Variants in ZBTB7C observed in about 807,000 individuals in gnomAD.
ZBTB7C encodes zinc finger and BTB domain-containing protein 7C.
In ZBTB7C, 8 loss-of-function variants were observed where a neutral mutation model predicts 25.7. That is an observed-to-expected ratio of 0.31 (90% confidence interval 0.18 to 0.56). ZBTB7C has a LOEUF of 0.56. Ranked by LOEUF, ZBTB7C falls within the 20% of genes least tolerant of loss-of-function variation. The pLI is 0.91. For synonymous variants in ZBTB7C, 394 were observed against 369.0 expected, an observed-to-expected ratio of 1.07 and a Z score of -0.78; for missense variants, 824 against 855.2, an observed-to-expected ratio of 0.96 and a Z score of 0.46.
chr18:48,248,524 T>C (rs1283132372), intron 2 of ZBTB7C, among the ~76,000 whole-genome samples: 1 of 152,154 alleles, frequency 6.6e-6, no homozygotes, highest in Non-Finnish European at 1.5e-5. Context: ...ACTAAATCTT[T>C]CCCTGGTCAT....
intron 3 of ZBTB7C, among the ~76,000 whole-genome samples, chr18:48,075,305 C>T (rs2037719487): frequency 6.6e-6 from 1 of 152,222 alleles, no homozygotes; most frequent in African/African-American, 2.4e-5. Context: ...AGAGAAAGGA[C>T]ACAAGCTCTC....
At chr18:48,403,544 G>A (rs772474878) in intron 1 of ZBTB7C, among the ~76,000 whole-genome samples, 1 of 152,366 alleles carries the variant, frequency 6.6e-6, no homozygotes, top group East Asian at 1.9e-4. Flanking sequence ...GCACACAGCA[G>A]TGTCTGAGTA....
chr18:48,120,137 T>A (rs2039580551), intron 3 of ZBTB7C, among the ~76,000 whole-genome samples: 1 of 152,302 alleles, frequency 6.6e-6, no homozygotes, highest in East Asian at 1.9e-4. Context: ...GTAAGGAATT[T>A]GAAATCCAAT....
chr18:48,230,722 G>A (rs1332939461), intron 2 of ZBTB7C, among the ~76,000 whole-genome samples: 1 of 152,226 alleles, frequency 6.6e-6, no homozygotes, highest in African/African-American at 2.4e-5. Context: ...CGAAAGGGCA[G>A]CCTGAGGCCA....
chr18:48,311,508 T>C (rs1340272318), intron 2 of ZBTB7C, among the ~76,000 whole-genome samples: 1 of 152,164 alleles, frequency 6.6e-6, no homozygotes, highest in African/African-American at 2.4e-5. Flanking sequence ...GGGTTGCTAC[T>C]GTCATCTAAT....
intron 3 of ZBTB7C, among the ~76,000 whole-genome samples, chr18:48,082,971 C>T (rs1206991629): frequency 1.3e-5 from 2 of 152,160 alleles, no homozygotes; most frequent in Non-Finnish European, 2.9e-5. Flanking sequence ...CTTTCCCTCT[C>T]TGTACCTCAG....
chr18:48,248,110 C>T (rs1055036972), intron 2 of ZBTB7C, among the ~76,000 whole-genome samples: 4 of 152,188 alleles, frequency 2.6e-5, no homozygotes, highest in African/African-American at 9.7e-5. Flanking sequence ...TACCTTCTGC[C>T]ATGATTCTGA....
chr18:48,168,086 C>T (rs1039606194), intron 3 of ZBTB7C, among the ~76,000 whole-genome samples: 2 of 152,204 alleles, frequency 1.3e-5, no homozygotes, highest in Admixed American at 6.5e-5. Context: ...AGTCAATATT[C>T]GCTTCACTGA....
chr18:48,111,418 T>C (rs1189039910), intron 3 of ZBTB7C, among the ~76,000 whole-genome samples: 1 of 152,220 alleles, frequency 6.6e-6, no homozygotes, highest in Admixed American at 6.5e-5. Context: ...ATTTCAAAAT[T>C]AAAAAGTCAG....
At chr18:48,043,172 G>A (rs1423981596) in intron 3 of ZBTB7C, among the ~76,000 whole-genome samples, 1 of 152,176 alleles carries the variant, frequency 6.6e-6, no homozygotes, top group African/African-American at 2.4e-5. Flanking sequence ...TCTAGAAAAT[G>A]ATTTGGCAGA....
At chr18:48,261,204 G>A (rs1163772514) in intron 2 of ZBTB7C, among the ~76,000 whole-genome samples, 1 of 152,160 alleles carries the variant, frequency 6.6e-6, no homozygotes, top group East Asian at 1.9e-4. Flanking sequence ...GGAATGGAGA[G>A]CCCACAGGAA....
At chr18:48,333,969 C>T (rs1356763512) in intron 2 of ZBTB7C, among the ~76,000 whole-genome samples, 1 of 152,306 alleles carries the variant, frequency 6.6e-6, no homozygotes, top group African/African-American at 2.4e-5. Context: ...TTTCATGTCA[C>T]CCACCTGCAC....
intron 2 of ZBTB7C, among the ~76,000 whole-genome samples, chr18:48,263,367 A>G (rs1419491605): frequency 2.0e-5 from 3 of 152,224 alleles, no homozygotes; most frequent in Non-Finnish European, 4.4e-5. Context: ...CCTCCTTGCA[A>G]TCATCAGCAA....
At chr18:48,374,939 T>C (rs1910550394) in intron 1 of ZBTB7C, among the ~76,000 whole-genome samples, 1 of 151,298 alleles carries the variant, frequency 6.6e-6, no homozygotes. Flanking sequence ...CGGAATATCC[T>C]GAGGGTGGGA....
chr18:48,303,513 TAA>T (rs2045593439), intron 2 of ZBTB7C, among the ~76,000 whole-genome samples: 1 of 152,228 alleles, frequency 6.6e-6, no homozygotes, highest in Non-Finnish European at 1.5e-5. Flanking sequence ...CATAAGGTGT[TAA>T]CACTATCAAA....
chr18:48,252,239 T>G (rs918856067), intron 2 of ZBTB7C: 4 of 152,226 alleles, frequency 2.6e-5, no homozygotes, highest in Non-Finnish European at 4.4e-5. Context: ...AAACATGTTT[T>G]TAGCTGTGTG....
At chr18:48,086,580 C>T (rs1226721243) in intron 3 of ZBTB7C, among the ~76,000 whole-genome samples, 1 of 152,232 alleles carries the variant, frequency 6.6e-6, no homozygotes. Context: ...TCATCCACCA[C>T]AATGGAACCC....
At chr18:48,138,181 C>A (rs1258506157) in intron 3 of ZBTB7C, among the ~76,000 whole-genome samples, 1 of 152,242 alleles carries the variant, frequency 6.6e-6, no homozygotes, top group African/African-American at 2.4e-5. Flanking sequence ...CTCCGGCAGG[C>A]CATGAGCCTT....
chr18:48,246,558 A>T (rs1295759022), intron 2 of ZBTB7C, among the ~76,000 whole-genome samples: 1 of 152,034 alleles, frequency 6.6e-6, no homozygotes, highest in African/African-American at 2.4e-5. Context: ...TCTAAGAAAA[A>T]ATGTAGTTGT....
Sources: allele counts gnomAD v4.1 joint callset (sites outside exome capture counted in the v4.1 genomes callset), GRCh38; gene constraint gnomAD v4.1.1; transcripts MANE v1.5; gene names NCBI Gene and HGNC (gene_info 2026-07-23, HGNC 2026-07-21).